The following SOX5 variants were observed in gnomAD, a reference collection of about 807,000 sequenced individuals.
SOX5 encodes the protein transcription factor SOX-5.
A neutral mutation model predicts 92.0 loss-of-function variants in SOX5; 9 were observed. The observed-to-expected ratio is 0.10, with a 90% CI of 0.06 to 0.17. The LOEUF (loss-of-function observed/expected upper bound fraction) is 0.17, where lower values mean the gene tolerates loss of function less well. Ranked by LOEUF, SOX5 falls within the 10% of genes least tolerant of loss-of-function variation. The pLI is 1.00. For synonymous variants in SOX5, 344 were observed against 336.3 expected, an observed-to-expected ratio of 1.02 and a Z score of -0.25; for missense variants, 642 against 944.5, an observed-to-expected ratio of 0.68 and a Z score of 4.20.
At chr12:24,512,165 T>C (rs1949383111) in intron 1 of SOX5, among the ~76,000 whole-genome samples, 1 of 152,186 alleles carries the variant, frequency 6.6e-6, no homozygotes, top group African/African-American at 2.4e-5. Context: ...CATGTAGACC[T>C]TCCTCTATGC....
intron 9 of SOX5, among the ~76,000 whole-genome samples, chr12:23,578,369 T>C (rs532196337): frequency 1.7e-4 from 25 of 151,170 alleles, no homozygotes; most frequent in African/African-American, 5.8e-4. Flanking sequence ...TCATAGAAAC[T>C]ATGGGGATGG....
Position 24,148,688 on chromosome 12 carries a change from T to TAAA in SOX5, c.-2+64652_-2+64654dup, listed in dbSNP as rs398018872. ...AACATAGTGAGACCCCCATCTCTAC[T>TAAA]AAAAAAAAAAAAAAAAAAAAAAAAA... On this transcript the variant is annotated intron_variant, in intron 4 of 4. Transcript: ENST00000446891. Among the ~76,000 whole-genome samples, 127 of 70,896 alleles carry TAAA rather than the reference T, an allele frequency of 1.8e-3. 2 individuals carry two copies. Among genetic ancestry groups the TAAA allele is most frequent in the African/African-American group, 8.8e-3 (102 of 11,592 alleles). The allele number at this position is 70,896 out of a possible 152,430, so 46.5% of individuals were successfully genotyped here. A position where few individuals can be genotyped will look rare whatever the true frequency, so the allele number is the denominator to read the frequency against.
intron 2 of SOX5, among the ~76,000 whole-genome samples, chr12:24,326,431 T>C (rs1009142538): frequency 7.3e-6 from 1 of 137,064 alleles, no homozygotes; most frequent in Admixed American, 7.9e-5. Context: ...TTATGACTCT[T>C]ACATACCTTC....
rs777774045 is a variant in SOX5, at chr12:24,337,851, C to T, written c.-174+30712G>A. Reference sequence around the variant, plus strand: ...TGAACTATAAGTAGGTCACACAATACGAAAACTGTATGTGGAATGATCTGG... The same window carrying T: ...TGAACTATAAGTAGGTCACACAATATGAAAACTGTATGTGGAATGATCTGG... On this transcript the variant is annotated intron_variant, in intron 2 of 4. Coordinates refer to the SOX5 transcript ENST00000446891. 5.9e-4 allele frequency among the ~76,000 whole-genome samples: 90 copies of T among 152,144 alleles called. 2 individuals are homozygous for T. The highest frequency in any genetic ancestry group is 2.8e-3 in the Admixed American group (43 of 15,282).
intron 1 of SOX5, among the ~76,000 whole-genome samples, chr12:24,454,424 TCTCA>T (rs1285540433): frequency 1.3e-5 from 2 of 152,230 alleles, no homozygotes; most frequent in African/African-American, 2.4e-5. Context: ...TTCTTTCTTA[TCTCA>T]CTTTTATTCC....
intron 9 of SOX5, among the ~76,000 whole-genome samples, chr12:23,583,157 A>G (rs929443399): frequency 6.6e-6 from 1 of 151,834 alleles, no homozygotes; most frequent in Non-Finnish European, 1.5e-5. Context: ...TCCTTTTTAC[A>G]TTTTCCTTCC....
intron 4 of SOX5, among the ~76,000 whole-genome samples, chr12:24,142,351 A>G (rs974650917): frequency 4.6e-5 from 7 of 152,142 alleles, no homozygotes; most frequent in African/African-American, 1.4e-4. Flanking sequence ...ATTGTTTTCA[A>G]CACCATGAAG....
chr12:23,598,266 G>C (rs964263177), intron 9 of SOX5, among the ~76,000 whole-genome samples: 1 of 151,918 alleles, frequency 6.6e-6, no homozygotes, highest in African/African-American at 2.4e-5. Flanking sequence ...ATTAAATGAG[G>C]TTATGGTTAT....
intron 11 of SOX5, among the ~76,000 whole-genome samples, chr12:23,548,707 T>C (rs1234263273): frequency 6.6e-6 from 1 of 151,858 alleles, no homozygotes; most frequent in Non-Finnish European, 1.5e-5. Context: ...GAGGAGACAA[T>C]AACTTAAGTA....
intron 3 of SOX5, among the ~76,000 whole-genome samples, chr12:23,845,294 G>A (rs1454660732): frequency 6.6e-6 from 1 of 152,216 alleles, no homozygotes; most frequent in Non-Finnish European, 1.5e-5. Context: ...GAGTTAGTAA[G>A]CATGTGTAAC....
chr12:24,333,851 T>TA (rs5797076), intron 2 of SOX5, among the ~76,000 whole-genome samples: 8 of 138,508 alleles, frequency 5.8e-5, no homozygotes, highest in African/African-American at 7.9e-5. Context: ...TTCACCAAGT[T>TA]AAAAAAAAAA....
chr12:23,540,034 T>TA (rs1941582130), intron 13 of SOX5, among the ~76,000 whole-genome samples: 2 of 151,808 alleles, frequency 1.3e-5, no homozygotes, highest in African/African-American at 4.8e-5. Flanking sequence ...GCTGAGGTGT[T>TA]AACTAACCCC....
chr12:23,985,242 T>TTTTATTTATTTATTTA (rs149488251), intron 4 of SOX5, among the ~76,000 whole-genome samples: 25 of 149,206 alleles, frequency 1.7e-4, no homozygotes, highest in Middle Eastern at 3.4e-3. Context: ...TTTTTTTGAA[T>TTTTATTTATTTATTTA]TTTATTTATT....
intron 4 of SOX5, among the ~76,000 whole-genome samples, chr12:24,051,048 T>C (rs1957515627): frequency 6.6e-6 from 1 of 152,118 alleles, no homozygotes; most frequent in African/African-American, 2.4e-5. Context: ...ACTAATTTTC[T>C]CCACCCAAAC....
chr12:23,647,991 T>C (rs1266036751), intron 7 of SOX5, among the ~76,000 whole-genome samples: 1 of 152,224 alleles, frequency 6.6e-6, no homozygotes, highest in Non-Finnish European at 1.5e-5. Context: ...GCCTAGCTTT[T>C]AGCCTGCCCC....
chr12:23,992,314 C>T (rs1950636489), intron 4 of SOX5, among the ~76,000 whole-genome samples: 1 of 152,052 alleles, frequency 6.6e-6, no homozygotes, highest in South Asian at 2.1e-4. Flanking sequence ...AGTAAATCTG[C>T]ACAGAAACTA....
intron 7 of SOX5, among the ~76,000 whole-genome samples, chr12:23,647,778 T>C (rs2081050580): frequency 6.6e-6 from 1 of 152,226 alleles, no homozygotes; most frequent in African/African-American, 2.4e-5. Context: ...AAGAGAGTTA[T>C]AGGTCCTTCC....
intron 4 of SOX5, among the ~76,000 whole-genome samples, chr12:24,184,291 C>G (rs1396325585): frequency 6.6e-6 from 1 of 151,998 alleles, no homozygotes; most frequent in Non-Finnish European, 1.5e-5. Context: ...AAGATTTTCC[C>G]AAGTACATAC....
At chr12:23,972,408 A>G (rs1477085067) in intron 4 of SOX5, among the ~76,000 whole-genome samples, 1 of 152,104 alleles carries the variant, frequency 6.6e-6, no homozygotes, top group African/African-American at 2.4e-5. Context: ...CCCAGGCTGG[A>G]GTGCAGTGGT....
Sources: allele counts gnomAD v4.1 joint callset (sites outside exome capture counted in the v4.1 genomes callset), GRCh38; gene constraint gnomAD v4.1.1; transcripts MANE v1.5; gene names NCBI Gene and HGNC (gene_info 2026-07-23, HGNC 2026-07-21).